The following NCKAP5 variants were observed in gnomAD, a reference collection of about 807,000 sequenced individuals.
The protein encoded by NCKAP5 is NCK associated protein 5.
NCKAP5 carries 92 observed loss-of-function variants against 167.0 expected under a neutral mutation model. The ratio of observed to expected loss-of-function variants is 0.55; its 90% CI spans 0.47 to 0.66. The LOEUF (loss-of-function observed/expected upper bound fraction) is 0.66, where lower values mean the gene tolerates loss of function less well. Among genes scored for constraint, NCKAP5 ranks in the 30% least tolerant of loss-of-function variants. The pLI is 0.00. For synonymous variants in NCKAP5, 891 were observed against 877.4 expected (o/e 1.02, Z -0.27); for missense variants, 2,378 against 2,315.0 (o/e 1.03, Z -0.56).
intron 3 of NCKAP5, among the ~76,000 whole-genome samples, chr2:133,347,801 C>A (rs1301632471): frequency 6.6e-6 from 1 of 152,144 alleles, no homozygotes; most frequent in Non-Finnish European, 1.5e-5. Flanking sequence ...TGCTTTCTGA[C>A]CTACAAGGCT....
chr2:132,701,723 T>G (rs1687902524), intron 19 of NCKAP5, among the ~76,000 whole-genome samples: 1 of 152,138 alleles, frequency 6.6e-6, no homozygotes, highest in African/African-American at 2.4e-5. Flanking sequence ...CTCAAGGAGC[T>G]GATACAGGAA....
At chr2:132,713,712 AC>A (rs67369378) in intron 19 of NCKAP5, among the ~76,000 whole-genome samples, 93,188 of 150,564 alleles carry the variant, frequency 0.62, 28,902 homozygotes, top group East Asian at 0.85. Flanking sequence ...AAAGGGCCAA[AC>A]AAAAAAAAAA....
At chr2:133,539,006 T>C (rs546461755) in intron 2 of NCKAP5, among the ~76,000 whole-genome samples, 155 of 143,358 alleles carry the variant, frequency 1.1e-3, no homozygotes, top group African/African-American at 3.7e-3. Context: ...AGTGGCGCGA[T>C]CTCGACTCAC....
At chr2:132,801,009 A>T (rs1383306811) in intron 11 of NCKAP5, among the ~76,000 whole-genome samples, 1 of 152,186 alleles carries the variant, frequency 6.6e-6, no homozygotes, top group Admixed American at 6.5e-5. Context: ...GTGTGCCCAC[A>T]TGACACGTTT....
intron 3 of NCKAP5, among the ~76,000 whole-genome samples, chr2:133,379,936 G>C (rs1686402264): frequency 6.6e-6 from 1 of 152,234 alleles, no homozygotes; most frequent in South Asian, 2.1e-4. Flanking sequence ...GTGAATAGAT[G>C]TATGTACATA....
At chr2:132,984,387 G>C (rs1449709708) in intron 7 of NCKAP5, among the ~76,000 whole-genome samples, 1 of 152,130 alleles carries the variant, frequency 6.6e-6, no homozygotes, top group Non-Finnish European at 1.5e-5. Flanking sequence ...CCCAGAAACT[G>C]CTCCAGAGGG....
chr2:133,631,616 TGGA>T, the NCKAP5 span, among the ~76,000 whole-genome samples: 1 of 152,198 alleles, frequency 6.6e-6, no homozygotes, highest in East Asian at 1.9e-4. Flanking sequence ...CACGTGACAT[TGGA>T]GGAGATCTGT....
At chr2:133,025,040 T>A (rs930535273) in intron 6 of NCKAP5, among the ~76,000 whole-genome samples, 1 of 152,230 alleles carries the variant, frequency 6.6e-6, no homozygotes, top group South Asian at 2.1e-4. Context: ...TTGAAAAGAA[T>A]GATAATACCA....
intron 3 of NCKAP5, among the ~76,000 whole-genome samples, chr2:133,336,614 T>A: frequency 6.6e-6 from 1 of 152,180 alleles, no homozygotes; most frequent in Admixed American, 6.6e-5. Context: ...TCATATATAT[T>A]ACTGGAATTA....
chr2:133,350,912 G>C (rs935751893), intron 3 of NCKAP5, among the ~76,000 whole-genome samples: 5 of 151,838 alleles, frequency 3.3e-5, no homozygotes, highest in African/African-American at 1.2e-4. Flanking sequence ...CCCTTCACCT[G>C]TCAGCTCCTA....
At chr2:133,178,170 C>T (rs111655647) in intron 5 of NCKAP5, among the ~76,000 whole-genome samples, 9,360 of 152,114 alleles carry the variant, frequency 0.062, 321 homozygotes, top group African/African-American at 0.092. Context: ...CTACTGGAGA[C>T]GTAGCAATAG....
chr2:132,943,841 G>T (rs944444631), intron 8 of NCKAP5, among the ~76,000 whole-genome samples: 17 of 152,176 alleles, frequency 1.1e-4, no homozygotes, highest in African/African-American at 3.9e-4. Context: ...AGAACAAGGC[G>T]GGTGAAAAGA....
At chr2:133,568,568 TG>T (rs992894643), upstream of NCKAP5, 17 of 148,484 alleles carry the variant, frequency 1.1e-4, no homozygotes, top group African/African-American at 4.3e-4. Context: ...AAGGAGGGGG[TG>T]GGGAGGAAGA....
At chr2:133,022,826 C>T (rs1314619525) in intron 6 of NCKAP5, among the ~76,000 whole-genome samples, 1 of 152,164 alleles carries the variant, frequency 6.6e-6, no homozygotes, top group Non-Finnish European at 1.5e-5. Flanking sequence ...ATTTGTAGCT[C>T]AGCCAAAGAA....
At chr2:132,850,255 AT>A (rs1688974295) in intron 11 of NCKAP5, among the ~76,000 whole-genome samples, 3 of 152,090 alleles carry the variant, frequency 2.0e-5, no homozygotes, top group Non-Finnish European at 4.4e-5. Context: ...ATTGAATTTG[AT>A]TTTTCCAAGG....
chr2:133,557,548 A>G (rs1687827947), intron 2 of NCKAP5, among the ~76,000 whole-genome samples: 1 of 152,244 alleles, frequency 6.6e-6, no homozygotes, highest in South Asian at 2.1e-4. Context: ...CTGTTGAGGA[A>G]CTATCTCTAC....
intron 8 of NCKAP5, among the ~76,000 whole-genome samples, chr2:132,954,461 C>T (rs1468935834): frequency 6.6e-6 from 1 of 152,122 alleles, no homozygotes; most frequent in Non-Finnish European, 1.5e-5. Context: ...AATATTCTAT[C>T]ACAATATGTA....
chr2:133,339,321 G>A (rs915213066), intron 3 of NCKAP5, among the ~76,000 whole-genome samples: 7 of 152,006 alleles, frequency 4.6e-5, no homozygotes, highest in Non-Finnish European at 1.5e-5. Flanking sequence ...ACAAGGCCAA[G>A]TCACTGGGGA....
chr2:133,288,576 T>A (rs1679334050), intron 4 of NCKAP5, among the ~76,000 whole-genome samples: 1 of 152,136 alleles, frequency 6.6e-6, no homozygotes, highest in African/African-American at 2.4e-5. Flanking sequence ...TTAACTTTTT[T>A]TTTTTTTGCA....
Sources: allele counts gnomAD v4.1 joint callset (sites outside exome capture counted in the v4.1 genomes callset), GRCh38; gene constraint gnomAD v4.1.1; transcripts MANE v1.5; gene names NCBI Gene and HGNC (gene_info 2026-07-23, HGNC 2026-07-21).